Variants in RALGPS1 observed in about 807,000 individuals in gnomAD.
RALGPS1 encodes Ral GEF with PH domain and SH3 binding motif 1.
A neutral mutation model predicts 78.8 loss-of-function variants in RALGPS1; 19 were observed. The ratio of observed to expected loss-of-function variants is 0.24; its 90% CI spans 0.17 to 0.35. The LOEUF is 0.35. Among genes scored for constraint, RALGPS1 ranks in the 10% least tolerant of loss-of-function variants. RALGPS1 has a pLI of 1.00. For synonymous variants in RALGPS1, 228 were observed against 256.3 expected (o/e 0.89, Z 1.06); for missense variants, 454 against 688.3 (o/e 0.66, Z 3.81).
chr9:127,128,606 G>A (rs562886129), intron 8 of RALGPS1, among the ~76,000 whole-genome samples: 4 of 152,198 alleles, frequency 2.6e-5, no homozygotes, highest in Admixed American at 6.5e-5. Flanking sequence ...CTGTGGAACT[G>A]CCAGAAGCCT....
At chr9:126,956,215 G>T (rs1298421656) in intron 1 of RALGPS1, among the ~76,000 whole-genome samples, 1 of 151,494 alleles carries the variant, frequency 6.6e-6, no homozygotes, top group Non-Finnish European at 1.5e-5. Flanking sequence ...CTATCTTCAG[G>T]GCCCTACTCT....
chr9:126,949,257 G>T (rs916206512), intron 1 of RALGPS1, among the ~76,000 whole-genome samples: 3 of 152,152 alleles, frequency 2.0e-5, no homozygotes, highest in African/African-American at 7.2e-5. Context: ...ATTGTGAATA[G>T]TGCCGCAATA....
chr9:126,970,094 G>T (rs564522610), intron 3 of RALGPS1, among the ~76,000 whole-genome samples: 1 of 152,074 alleles, frequency 6.6e-6, no homozygotes, highest in African/African-American at 2.4e-5. Flanking sequence ...AGATGGTGGC[G>T]GCAGTAGCAT....
chr9:127,157,437 C>T (rs2058761626), intron 8 of RALGPS1, among the ~76,000 whole-genome samples: 1 of 151,952 alleles, frequency 6.6e-6, no homozygotes, highest in South Asian at 2.1e-4. Flanking sequence ...TGAATTGTGC[C>T]TTTATTTAGT....
intron 4 of RALGPS1, among the ~76,000 whole-genome samples, chr9:127,002,049 A>G (rs2043359015): frequency 6.6e-6 from 1 of 152,220 alleles, no homozygotes; most frequent in Admixed American, 6.5e-5. Flanking sequence ...ATTTTTACAA[A>G]GCAAACAAAC....
intron 4 of RALGPS1, among the ~76,000 whole-genome samples, chr9:127,000,189 GT>G (rs1444953320): frequency 2.0e-5 from 3 of 151,834 alleles, no homozygotes; most frequent in African/African-American, 7.3e-5. Context: ...TGGCTTTTCT[GT>G]TTTCTGATCC....
At chr9:127,062,336 G>A (rs893696189) in intron 7 of RALGPS1, among the ~76,000 whole-genome samples, 4 of 152,154 alleles carry the variant, frequency 2.6e-5, no homozygotes, top group African/African-American at 9.7e-5. Context: ...CTGACCTTGT[G>A]ATCCACCCAC....
At chr9:126,991,561 C>T (rs1348050517) in intron 4 of RALGPS1, among the ~76,000 whole-genome samples, 3 of 152,152 alleles carry the variant, frequency 2.0e-5, no homozygotes, top group South Asian at 2.1e-4. Flanking sequence ...TTTGTTTGAA[C>T]TCTTGTCATA....
intron 8 of RALGPS1, among the ~76,000 whole-genome samples, chr9:127,153,321 C>G (rs1451314333): frequency 6.7e-6 from 1 of 149,812 alleles, no homozygotes; most frequent in Admixed American, 6.6e-5. Flanking sequence ...CCTTTGGGGT[C>G]TCTCAGTGGC....
intron 8 of RALGPS1, among the ~76,000 whole-genome samples, chr9:127,109,206 T>G (rs1554829909): frequency 6.6e-6 from 1 of 152,208 alleles, no homozygotes; most frequent in Non-Finnish European, 1.5e-5. Flanking sequence ...CTCCCTATTC[T>G]ATACTTTCAC....
At chr9:127,194,829 C>T (rs771718713) in intron 11 of RALGPS1, among the ~76,000 whole-genome samples, 2 of 152,204 alleles carry the variant, frequency 1.3e-5, no homozygotes, top group Non-Finnish European at 2.9e-5. Flanking sequence ...TGGTGCCCTC[C>T]CTTTGGCCAG....
chr9:127,035,352 A>G (rs192652998), intron 5 of RALGPS1, among the ~76,000 whole-genome samples: 3 of 152,320 alleles, frequency 2.0e-5, no homozygotes, highest in African/African-American at 4.8e-5. Flanking sequence ...ATCTGGAATG[A>G]TGATTGGAGA....
intron 1 of RALGPS1, among the ~76,000 whole-genome samples, chr9:126,939,591 C>G (rs572666811): frequency 6.6e-6 from 1 of 152,166 alleles, no homozygotes. Context: ...ATCCTGTATG[C>G]CCACTTTACA....
chr9:127,034,348 A>G, intron 4 of RALGPS1, 83 bp from the exon 5 acceptor site: 1 of 1,226,654 alleles, frequency 8.2e-7, no homozygotes. Context: ...ACCTTCATGC[A>G]TGCTCATGTT....
chr9:127,017,515 A>C (rs1010915339), intron 4 of RALGPS1, among the ~76,000 whole-genome samples: 1 of 152,196 alleles, frequency 6.6e-6, no homozygotes, highest in Non-Finnish European at 1.5e-5. Context: ...CATTACTGTA[A>C]TACACAACTG....
intron 9 of RALGPS1, among the ~76,000 whole-genome samples, chr9:127,166,756 A>G (rs1446972909): frequency 2.0e-5 from 3 of 152,078 alleles, no homozygotes; most frequent in African/African-American, 7.2e-5. Flanking sequence ...GGGAGAAGGG[A>G]AATGATGTGG....
chr9:127,215,997 C>T (rs1276600331), intron 18 of RALGPS1: 1 of 152,354 alleles, frequency 6.6e-6, no homozygotes, highest in Non-Finnish European at 1.5e-5. Context: ...GGCAGCAGCT[C>T]TGAAGTCTGG....
At chr9:127,026,395 A>G (rs909278956) in intron 4 of RALGPS1, among the ~76,000 whole-genome samples, 2 of 152,212 alleles carry the variant, frequency 1.3e-5, no homozygotes, top group Non-Finnish European at 2.9e-5. Context: ...CCTCACAGAC[A>G]CACGCAGGAT....
chr9:126,960,214 TCC>T (rs1564310399), intron 1 of RALGPS1, among the ~76,000 whole-genome samples: 7,034 of 56,242 alleles, frequency 0.13, 918 homozygotes, highest in African/African-American at 0.33. Flanking sequence ...CCTCCCTCCC[TCC>T]CTCCCTTCCT....
Sources: allele counts gnomAD v4.1 joint callset (sites outside exome capture counted in the v4.1 genomes callset), GRCh38; gene constraint gnomAD v4.1.1; transcripts MANE v1.5; gene names NCBI Gene and HGNC (gene_info 2026-07-23, HGNC 2026-07-21).